IL1RAPL1: variants seen among roughly 807,000 people sequenced by gnomAD.
IL1RAPL1 encodes interleukin 1 receptor accessory protein like 1.
Under a neutral mutation model 48.4 loss-of-function variants are expected in IL1RAPL1, and 3 were observed. The ratio of observed to expected loss-of-function variants is 0.06; its 90% CI spans 0.03 to 0.16. The LOEUF is 0.16. Ranked by LOEUF, IL1RAPL1 falls within the 10% of genes least tolerant of loss-of-function variation. The pLI is 1.00. For missense variants in IL1RAPL1, 349 were observed against 530.6 expected, an observed-to-expected ratio of 0.66 and a Z score of 3.36; for synonymous variants, 185 against 187.7, an observed-to-expected ratio of 0.99 and a Z score of 0.12.
At chrX:28,924,636 G>A (rs2147339339) in intron 2 of IL1RAPL1, among the ~76,000 whole-genome samples, 1 of 111,183 alleles carries the variant, frequency 9.0e-6, no homozygotes, top group South Asian at 3.8e-4. Flanking sequence ...AAGTTTCAAA[G>A]AATACATGCC....
chrX:28,815,791 C>A (rs1295719870), intron 2 of IL1RAPL1, among the ~76,000 whole-genome samples: 1 of 79,389 alleles, frequency 1.3e-5, no homozygotes, highest in Non-Finnish European at 2.4e-5. Context: ...AGATTTCATT[C>A]TTTTTTATGG....
rs1305323496 is a variant in IL1RAPL1 at position 29,917,601 on chromosome X, T to C, written c.911+5T>C. The C allele has an allele frequency of 2.5e-6, 3 of 1,181,935 alleles. No individual in the cohort carries two copies. In the African/African-American group the frequency reaches 5.3e-5, roughly 21 times the overall value. ...AGTTTGGGAAAGTGACATTAGGTAA[T>C]TTTTTTTCCTTTTAACCTGTATAGT... On this transcript the variant is annotated splice_donor_5th_base_variant and intron_variant, in intron 7 of 10. Coordinates refer to ENST00000378993, the MANE Select transcript of IL1RAPL1 (RefSeq NM_014271.4).
intron 5 of IL1RAPL1, among the ~76,000 whole-genome samples, chrX:29,565,062 A>G (rs1337912096): frequency 9.0e-6 from 1 of 111,471 alleles, no homozygotes; most frequent in Non-Finnish European, 1.9e-5. Flanking sequence ...CTGTAACCTG[A>G]CCCTCATGCA....
chrX:29,803,103 A>ACATATATGTGTATATGTATACATGTATG (rs1930062348), intron 6 of IL1RAPL1, among the ~76,000 whole-genome samples: 3 of 90,225 alleles, frequency 3.3e-5, no homozygotes, highest in Non-Finnish European at 6.6e-5. Context: ...ATACATGTAT[A>ACATATATGTGTATATGTATACATGTATG]CATATATGTA....
At chrX:29,429,755 T>A (rs1228071219) in intron 5 of IL1RAPL1, among the ~76,000 whole-genome samples, 1 of 111,099 alleles carries the variant, frequency 9.0e-6, no homozygotes, top group African/African-American at 3.3e-5. Context: ...ATCTCTAGAC[T>A]CCTCTTCAGT....
At chrX:28,903,782 A>G (rs1216447436) in intron 2 of IL1RAPL1, among the ~76,000 whole-genome samples, 2 of 111,100 alleles carry the variant, frequency 1.8e-5, no homozygotes, top group African/African-American at 6.5e-5. Context: ...CATATATTCT[A>G]TGGGCAAAAT....
chrX:28,757,034 A>C (rs1253637455), intron 1 of IL1RAPL1, among the ~76,000 whole-genome samples: 1 of 112,653 alleles, frequency 8.9e-6, no homozygotes, highest in Non-Finnish European at 1.9e-5. Flanking sequence ...TGCCTGGATT[A>C]TGGTAAATCT....
chrX:29,765,536 CTA>C (rs1928861988), intron 6 of IL1RAPL1, among the ~76,000 whole-genome samples: 1 of 111,828 alleles, frequency 8.9e-6, no homozygotes, highest in Non-Finnish European at 1.9e-5. Context: ...TAATGTAGAA[CTA>C]TTCTGAAAAT....
chrX:29,828,234 CT>C (rs1451972971), intron 6 of IL1RAPL1, among the ~76,000 whole-genome samples: 1 of 111,521 alleles, frequency 9.0e-6, no homozygotes, highest in African/African-American at 3.3e-5. Context: ...TAGAGCAGGT[CT>C]TGGTAAAATA....
chrX:29,598,813 C>T (rs992525680), intron 5 of IL1RAPL1, among the ~76,000 whole-genome samples: 1 of 111,672 alleles, frequency 9.0e-6, no homozygotes, highest in African/African-American at 3.3e-5. Flanking sequence ...GTTGTTGCTT[C>T]AAAGTTTGTT....
At chrX:28,920,731 A>G (rs1365524306) in intron 2 of IL1RAPL1, among the ~76,000 whole-genome samples, 1 of 112,070 alleles carries the variant, frequency 8.9e-6, no homozygotes, top group African/African-American at 3.2e-5. Context: ...CTGCATAAAG[A>G]GCAAACTGCT....
chrX:29,213,501 A>G (rs946158466), intron 2 of IL1RAPL1, among the ~76,000 whole-genome samples: 2 of 112,639 alleles, frequency 1.8e-5, no homozygotes, highest in African/African-American at 6.4e-5. Context: ...CCACTCTTGC[A>G]ATTGCTTCCA....
intron 2 of IL1RAPL1, among the ~76,000 whole-genome samples, chrX:29,145,381 A>T (rs868233982): frequency 8.9e-6 from 1 of 112,352 alleles, no homozygotes; most frequent in South Asian, 3.7e-4. Context: ...CCAAAAATCT[A>T]TATTTCGTCA....
chrX:29,193,908 G>A (rs1287887648), intron 2 of IL1RAPL1, among the ~76,000 whole-genome samples: 1 of 111,760 alleles, frequency 8.9e-6, no homozygotes, highest in Non-Finnish European at 1.9e-5. Flanking sequence ...AGACTTCTCT[G>A]TATTATTTTT....
At chrX:29,936,542 C>G (rs1201407414) in intron 8 of IL1RAPL1, among the ~76,000 whole-genome samples, 1 of 105,179 alleles carries the variant, frequency 9.5e-6, no homozygotes, top group Non-Finnish European at 1.9e-5. Flanking sequence ...CACACACACA[C>G]ACACACACAC....
intron 5 of IL1RAPL1, among the ~76,000 whole-genome samples, chrX:29,547,187 A>T (rs1466046168): frequency 9.0e-6 from 1 of 111,729 alleles, no homozygotes; most frequent in African/African-American, 3.3e-5. Flanking sequence ...TTCAATTAAA[A>T]TTTTTTTATA....
chrX:29,234,207 T>A (rs1251655171), intron 2 of IL1RAPL1, among the ~76,000 whole-genome samples: 1 of 112,351 alleles, frequency 8.9e-6, no homozygotes. Flanking sequence ...CACTATTTTT[T>A]AATTTTTAAT....
At chrX:29,758,618 C>T (rs1439741371) in intron 6 of IL1RAPL1, among the ~76,000 whole-genome samples, 1 of 109,049 alleles carries the variant, frequency 9.2e-6, no homozygotes, top group East Asian at 2.8e-4. Flanking sequence ...ATTGCTTGAG[C>T]CCTGGAGGCG....
intron 6 of IL1RAPL1, among the ~76,000 whole-genome samples, chrX:29,859,836 A>G (rs1391546212): frequency 8.9e-6 from 1 of 112,023 alleles, no homozygotes; most frequent in African/African-American, 3.2e-5. Context: ...TTAAAGTGCC[A>G]TTGAATGTCT....
Sources: gnomAD v4.1 joint callset for allele counts (sites outside exome capture counted in the v4.1 genomes callset) on GRCh38, gnomAD v4.1.1 for gene constraint, MANE v1.5 for transcripts, NCBI Gene and HGNC (gene_info 2026-07-23, HGNC 2026-07-21) for gene names.